The following CA5B variants were observed in gnomAD, a reference collection of about 807,000 sequenced individuals.
The protein encoded by CA5B is carbonic anhydrase 5B, mitochondrial.
A neutral mutation model predicts 23.1 loss-of-function variants in CA5B; 15 were observed. That is an observed-to-expected ratio of 0.65 (90% CI 0.43 to 1.00). CA5B has a LOEUF of 1.00. Among genes scored for constraint, CA5B ranks in the 50% least tolerant of loss-of-function variants. CA5B has a pLI of 0.00. For missense variants in CA5B, 236 were observed against 252.2 expected, an observed-to-expected ratio of 0.94 and a Z score of 0.43; for synonymous variants, 84 against 98.5, an observed-to-expected ratio of 0.85 and a Z score of 0.87.
intron 2 of CA5B, among the ~76,000 whole-genome samples, chrX:15,752,240 A>G (rs1297571349): frequency 9.0e-6 from 1 of 111,300 alleles, no homozygotes; most frequent in Non-Finnish European, 1.9e-5. Flanking sequence ...GTCATGCCCC[A>G]CAAATCATAA....
intron 2 of CA5B, among the ~76,000 whole-genome samples, chrX:15,757,238 C>T (rs745462911): frequency 4.6e-5 from 5 of 109,477 alleles, no homozygotes; most frequent in Non-Finnish European, 3.8e-5. Flanking sequence ...AGGCCAGGTG[C>T]GGTGGCTCAC....
chrX:15,782,521 G>A lies in CA5B; in HGVS notation c.811G>A (p.Gly271Arg), dbSNP rs1932042581. ...TCGGACCCTGCTTTTCACTTCCGAA[G>A]GGGAGAAAGAGAAAAGAATGGTGGA... ...QFRTLLFTSE[G>R]EKEKRMVDNF... Residue 271 changes from glycine to arginine, a missense_variant, in exon 8 of 8, where the codon GGG (glycine) becomes AGG (arginine). Around this residue, in one of 3 missense-constraint regions of CA5B, gnomAD observed 170 missense variants for 162.0 expected, o/e 1.05. Transcript: ENST00000318636. The A allele has an allele frequency of 5.0e-6, 6 of 1,211,082 alleles. No homozygotes were observed. Among genetic ancestry groups the A allele is most frequent in the Non-Finnish European group, 6.7e-6 (6 of 894,983 alleles).
At chrX:15,760,276 C>G (rs1023037636) in intron 2 of CA5B, among the ~76,000 whole-genome samples, 1 of 110,953 alleles carries the variant, frequency 9.0e-6, no homozygotes, top group African/African-American at 3.3e-5. Flanking sequence ...TAGGAGAGAA[C>G]AAAAGTGTCA....
intron 1 of CA5B, among the ~76,000 whole-genome samples, chrX:15,747,717 ATTG>A (rs1471355491): frequency 9.0e-6 from 1 of 111,609 alleles, no homozygotes; most frequent in Non-Finnish European, 1.9e-5. Context: ...CCAATGGCCT[ATTG>A]TTCTTTAAGT....
chrX:15,762,251 C>T (rs1227049840), intron 2 of CA5B, among the ~76,000 whole-genome samples: 3 of 104,967 alleles, frequency 2.9e-5, no homozygotes, highest in Non-Finnish European at 5.9e-5. Context: ...GCCTGGGAGA[C>T]AGAGCAAGAC....
rs1422226104 is a variant in CA5B at position 15,787,136 on chromosome X, A to G, written c.*4472A>G. ...CACAGCCTGCCTTGGGTTATATACCATAGGAGCCACATAACTCATTGGGCA... is the reference window on the plus strand; with the variant it reads ...CACAGCCTGCCTTGGGTTATATACCGTAGGAGCCACATAACTCATTGGGCA... On this transcript the variant is annotated 3_prime_UTR_variant, in exon 8 of 8. Transcript: ENST00000318636. The G allele has an allele frequency of 1.8e-5, 2 of 111,601 alleles. No homozygotes were observed. The highest frequency in any genetic ancestry group is 3.8e-5 in the Non-Finnish European group (2 of 53,105). The allele number at this position is 111,601 out of a possible 1,213,427, so 9.2% of individuals were successfully genotyped here.
chrX:15,757,331 A>G (rs1210874280), intron 2 of CA5B, among the ~76,000 whole-genome samples: 1 of 111,866 alleles, frequency 8.9e-6, no homozygotes, highest in African/African-American at 3.2e-5. Context: ...TACTGAAGAC[A>G]TGGTGAAATC....
Position 15,752,745 on chromosome X carries a change from T to C in CA5B, c.142+2580T>C, listed in dbSNP as rs189168437. ...GTCTCAAAAAAAAAAAAAATCTCTG[T>C]TAACATAGCTAGATCTTTTTTTTCC... On this transcript the variant is annotated intron_variant, in intron 2 of 7. Transcript: ENST00000318636. Among the ~76,000 whole-genome samples, 505 of 110,858 alleles carry C rather than the reference T, an allele frequency of 4.6e-3. 6 individuals carry two copies. The highest frequency in any genetic ancestry group is 0.016 in the African/African-American group (493 of 30,472).
chrX:15,740,836 G>T (rs1931104487), intron 1 of CA5B, among the ~76,000 whole-genome samples: 1 of 112,307 alleles, frequency 8.9e-6, no homozygotes, highest in African/African-American at 3.2e-5. Context: ...GGCTGAGGCG[G>T]GTGGATCGTT....
intron 7 of CA5B, among the ~76,000 whole-genome samples, chrX:15,779,087 C>G (rs1187261931): frequency 3.6e-5 from 4 of 111,401 alleles, no homozygotes; most frequent in Non-Finnish European, 7.5e-5. Context: ...ATTATGGAGA[C>G]TAAGAAGTCT....
chrX:15,761,841 A>G lies in CA5B; in HGVS notation c.143-2737A>G, dbSNP rs149836330. Among the ~76,000 whole-genome samples the G allele has an allele frequency of 4.2e-3, 474 of 111,727 alleles. 6 individuals are homozygous for G. Among genetic ancestry groups the G allele is most frequent in the Admixed American group, 0.031 (328 of 10,514 alleles). ...CTGAAAATGTCTCCAGACATTGCCAAATGTTTTTGGGGGACTGAATTGCTT... is the reference window on the plus strand; with the variant it reads ...CTGAAAATGTCTCCAGACATTGCCAGATGTTTTTGGGGGACTGAATTGCTT... On this transcript the variant is annotated intron_variant, in intron 2 of 7. Transcript: ENST00000318636.
chrX:15,756,815 G>A (rs1931496277), intron 2 of CA5B, among the ~76,000 whole-genome samples: 1 of 111,394 alleles, frequency 9.0e-6, no homozygotes, highest in African/African-American at 3.3e-5. Context: ...AGCACTTTGG[G>A]AGGCCAAGGC....
intron 7 of CA5B, among the ~76,000 whole-genome samples, chrX:15,780,783 G>A (rs1441003961): frequency 8.9e-6 from 1 of 111,921 alleles, no homozygotes; most frequent in Admixed American, 9.5e-5. Flanking sequence ...GCCGCTGTGT[G>A]ATATGTTCAT....
intron 1 of CA5B, among the ~76,000 whole-genome samples, chrX:15,743,750 C>G (rs943826652): frequency 2.7e-5 from 3 of 111,424 alleles, no homozygotes; most frequent in Non-Finnish European, 5.6e-5. Context: ...CATCTAGCCC[C>G]ACCTCCTGCT....
intron 3 of CA5B, 110 bp downstream of exon 3, chrX:15,764,885 G>A: frequency 9.4e-7 from 1 of 1,058,613 alleles, no homozygotes; most frequent in Non-Finnish European, 1.3e-6. Context: ...GTGAGCAATG[G>A]CATGGAACTC....
At chrX:15,744,000 A>G (rs1187322561) in intron 1 of CA5B, among the ~76,000 whole-genome samples, 1 of 111,972 alleles carries the variant, frequency 8.9e-6, no homozygotes, top group Non-Finnish European at 1.9e-5. Context: ...GACCACTACA[A>G]GCAATCTACC....
chrX:15,757,191 T>C (rs1931508965), intron 2 of CA5B, among the ~76,000 whole-genome samples: 1 of 101,930 alleles, frequency 9.8e-6, no homozygotes, highest in Admixed American at 1.1e-4. Context: ...CTGGCCAAGA[T>C]GGTGAAACCC....
intron 1 of CA5B, chrX:15,749,767 C>T: frequency 9.8e-6 from 3 of 305,314 alleles, no homozygotes; most frequent in Non-Finnish European, 1.7e-5. Flanking sequence ...GTGAGTCAGT[C>T]CTCAGGACCC....
intron 2 of CA5B, among the ~76,000 whole-genome samples, chrX:15,758,044 G>A (rs1489060573): frequency 9.0e-6 from 1 of 111,474 alleles, no homozygotes; most frequent in Non-Finnish European, 1.9e-5. Flanking sequence ...GAAGTCTGGG[G>A]GTTAGGGTTC....
Sources: allele counts gnomAD v4.1 joint callset (sites outside exome capture counted in the v4.1 genomes callset), GRCh38; gene constraint gnomAD v4.1.1; regional missense constraint gnomAD v4.1.1; transcripts MANE v1.5; gene names NCBI Gene and HGNC (gene_info 2026-07-23, HGNC 2026-07-21).